Variants in PLAGL1 observed in about 807,000 individuals in gnomAD.
The protein encoded by PLAGL1 is zinc finger protein PLAGL1.
A neutral mutation model predicts 4.6 loss-of-function variants in PLAGL1; 1 was observed. The observed-to-expected ratio is 0.22, with a 90% confidence interval of 0.08 to 1.03. The LOEUF is 1.03. Ranked by LOEUF, PLAGL1 falls within the 50% of genes least tolerant of loss-of-function variation. PLAGL1 has a pLI of 0.58. For synonymous variants in PLAGL1, 240 were observed against 237.8 expected, an observed-to-expected ratio of 1.01 and a Z score of -0.08; for missense variants, 464 against 570.4, an observed-to-expected ratio of 0.81 and a Z score of 1.90.
rs552730903 is a variant in PLAGL1, at chr6:144,059,088, G to A, written c.-151+5380C>T. Reference sequence around the variant, plus strand: ...GTCTCCACCCCTACAGCAGGCTTCTGCCTGTACACTCAGGCTTTCTGATAT... The same window carrying A: ...GTCTCCACCCCTACAGCAGGCTTCTACCTGTACACTCAGGCTTTCTGATAT... On this transcript the variant is annotated intron_variant, in intron 1 of 3. Coordinates refer to the PLAGL1 transcript ENST00000437412. This position sits in a 1 kb window ranked among gnomAD's most constrained non-coding sequence, Gnocchi z 4.9. Among the ~76,000 whole-genome samples the A allele has an allele frequency of 6.6e-6, 1 of 152,158 alleles. No homozygotes were observed. Among genetic ancestry groups the A allele is most frequent in the Non-Finnish European group, 1.5e-5 (1 of 68,006 alleles).
upstream of PLAGL1, among the ~76,000 whole-genome samples, chr6:144,010,470 A>G (rs1236225348): frequency 6.6e-6 from 1 of 152,242 alleles, no homozygotes. The surrounding 1 kb of genome is among the most constrained non-coding windows in gnomAD (Gnocchi z 4.1). Flanking sequence ...AAACAAATGG[A>G]AAAACATTCC....
At chr6:144,012,516 C>T (rs1795259603), upstream of PLAGL1, among the ~76,000 whole-genome samples, 2 of 152,164 alleles carry the variant, frequency 1.3e-5, no homozygotes, top group African/African-American at 2.4e-5. The surrounding 1 kb of genome is among the most constrained non-coding windows in gnomAD (Gnocchi z 4.8). Flanking sequence ...GGATTACAGA[C>T]GTGAGCCACC....
At chr6:143,998,152 CA>C (rs770238376) in intron 1 of PLAGL1, among the ~76,000 whole-genome samples, 2 of 152,058 alleles carry the variant, frequency 1.3e-5, no homozygotes, top group Non-Finnish European at 2.9e-5. Context: ...TTAGTATCAA[CA>C]AAAACTTGGA....
rs1169469443 is a variant in PLAGL1 at position 143,962,377 on chromosome 6, C to T, written c.-398-1835G>A. On this transcript the variant is annotated intron_variant, in intron 5 of 7. Coordinates refer to ENST00000674357, the MANE Select transcript of PLAGL1 (RefSeq NM_001317162.2). The surrounding 1 kb of genome is among the most constrained non-coding windows in gnomAD (Gnocchi z 5.3). The stretch of plus-strand genomic sequence containing the variant: ...TTTAAGTATGTGGTTAAAAATGACC[C>T]TATAAAATTAAACAATCCTAAAGAT... Among the ~76,000 whole-genome samples, 1 of 152,150 alleles carries T rather than the reference C, an allele frequency of 6.6e-6. No individual in the cohort carries two copies. The highest frequency in any genetic ancestry group is 1.5e-5 in the Non-Finnish European group (1 of 68,028).
intron 1 of PLAGL1, among the ~76,000 whole-genome samples, chr6:144,042,308 T>C (rs1797805104): frequency 6.6e-6 from 1 of 152,196 alleles, no homozygotes; most frequent in African/African-American, 2.4e-5. Context: ...TGGTTTTAGG[T>C]CTAACATTTA....
Position 143,945,339 on chromosome 6 carries a change from A to C in PLAGL1, c.152+2646T>G, listed in dbSNP as rs1779522473. ...AATTATTTAGAGGTTGATTGCTCAC[A>C]TTAGGACCTCCAACCTTGCCAAATC... On this transcript the variant is annotated intron_variant, in intron 7 of 7. Coordinates refer to ENST00000674357, the MANE Select transcript of PLAGL1 (RefSeq NM_001317162.2). This position sits in a 1 kb window ranked among gnomAD's most constrained non-coding sequence, Gnocchi z 4.2. Among the ~76,000 whole-genome samples, 1 of 152,190 alleles carries C rather than the reference A, an allele frequency of 6.6e-6. No homozygotes were observed. The highest frequency in any genetic ancestry group is 2.4e-5 in the African/African-American group (1 of 41,446).
Position 143,947,872 on chromosome 6 carries a change from C to T in PLAGL1, c.152+113G>A, listed in dbSNP as rs1780116784. 7 of 813,398 alleles carry T rather than the reference C, an allele frequency of 8.6e-6. No homozygotes were observed. Among genetic ancestry groups the T allele is most frequent in the Non-Finnish European group, 1.4e-5 (7 of 509,950 alleles). 50.4% of individuals were successfully genotyped at this position (813,398 alleles called of 1,614,324 possible). On this transcript the variant is annotated intron_variant, in intron 7 of 7. Transcript: ENST00000674357. The surrounding 1 kb of genome is among the most constrained non-coding windows in gnomAD (Gnocchi z 4.3). ...GCAGATTTCAAGAATCCCTCAAAGG[C>T]TAAAATGCATCCATATCCTGTGTCC...
In PLAGL1 at chr6:144,059,725, G is replaced by A. The variant is rs1799243795; in HGVS notation, c.-151+4743C>T. On this transcript the variant is annotated intron_variant, in intron 1 of 3. Transcript: ENST00000437412. This position sits in a 1 kb window ranked among gnomAD's most constrained non-coding sequence, Gnocchi z 4.9. ...TGAATTTAAGGGAGTCTTGTCACTG[G>A]CTGCATTAAGCTTTGTCTTGCCATT... is the stretch of plus-strand genomic sequence containing the variant. 1.3e-5 allele frequency among the ~76,000 whole-genome samples: 2 copies of A among 152,128 alleles called. No individual in the cohort carries two copies.
chr6:144,044,361 G>A (rs1797968122), intron 1 of PLAGL1, among the ~76,000 whole-genome samples: 1 of 152,180 alleles, frequency 6.6e-6, no homozygotes, highest in Non-Finnish European at 1.5e-5. Flanking sequence ...GTGTCCCGGA[G>A]ATTCTGGTAC....
intron 1 of PLAGL1, among the ~76,000 whole-genome samples, chr6:144,042,779 C>T (rs1797838193): frequency 6.6e-6 from 1 of 152,192 alleles, no homozygotes; most frequent in Non-Finnish European, 1.5e-5. Flanking sequence ...TGGCCATTTT[C>T]ATGATATTGA....
At chr6:143,987,939 G>A (rs955837212) in intron 1 of PLAGL1, among the ~76,000 whole-genome samples, 2 of 152,100 alleles carry the variant, frequency 1.3e-5, no homozygotes, top group African/African-American at 4.8e-5. Flanking sequence ...CATATACAAA[G>A]CCTCCTTGAA....
In PLAGL1 at chr6:144,016,437, G is replaced by A. The variant is rs1297310216; in HGVS notation, c.-150-47459C>T. Reference sequence around the variant, plus strand: ...CTGACTCAAATATTAATCTCTTTTGGTAACACTCTCACAGACACACCTAGG... The same window carrying A: ...CTGACTCAAATATTAATCTCTTTTGATAACACTCTCACAGACACACCTAGG... On this transcript the variant is annotated intron_variant, in intron 1 of 3. Transcript: ENST00000437412. This position sits in a 1 kb window ranked among gnomAD's most constrained non-coding sequence, Gnocchi z 4.2. Among the ~76,000 whole-genome samples, 1 of 152,104 alleles carries A rather than the reference G, an allele frequency of 6.6e-6. No homozygotes were observed. Among genetic ancestry groups the A allele is most frequent in the East Asian group, 1.9e-4 (1 of 5,196 alleles).
Position 143,942,117 on chromosome 6 carries a change from T to C in PLAGL1, c.699A>G (p.Gln233=), listed in dbSNP as rs1778751825. The C allele has an allele frequency of 1.2e-6, 2 of 1,614,096 alleles. No individual in the cohort carries two copies. Among genetic ancestry groups the C allele is most frequent in the Non-Finnish European group, 8.5e-7 (1 of 1,180,004 alleles). The change falls in exon 8 of 8, where the codon CAA becomes CAG. Residue 233 remains glutamine (Q), a synonymous_variant. Transcript: ENST00000674357. This position sits in a 1 kb window ranked among gnomAD's most constrained non-coding sequence, Gnocchi z 7.6. Reference sequence around the variant, plus strand: ...AAGGAGGCAAGGCAGCAGCCTTCAGTTGGAATGAAGGCGAGATGGTGTGGA... The same window carrying C: ...AAGGAGGCAAGGCAGCAGCCTTCAGCTGGAATGAAGGCGAGATGGTGTGGA... ...STFHTISPSF[Q]LKAAALPPFP...
intron 1 of PLAGL1, among the ~76,000 whole-genome samples, chr6:144,001,532 T>C (rs1792883626): frequency 6.6e-6 from 1 of 152,148 alleles, no homozygotes; most frequent in Admixed American, 6.5e-5. Flanking sequence ...AATAGAATAT[T>C]TGTACTACCT....
intron 1 of PLAGL1, among the ~76,000 whole-genome samples, chr6:144,041,362 A>G (rs1480648388): frequency 1.3e-5 from 2 of 150,654 alleles, no homozygotes; most frequent in South Asian, 2.1e-4. Context: ...GCCCCAGTGT[A>G]TGATGTTCCC....
rs578073397 is a variant in PLAGL1, at chr6:143,972,600, A to G, written c.-543-3622T>C. Among the ~76,000 whole-genome samples, 1 of 152,290 alleles carries G rather than the reference A, an allele frequency of 6.6e-6. No homozygotes were observed. Among genetic ancestry groups the G allele is most frequent in the Admixed American group, 6.5e-5 (1 of 15,302 alleles). On this transcript the variant is annotated intron_variant, in intron 2 of 7. Transcript: ENST00000674357. The surrounding 1 kb of genome is among the most constrained non-coding windows in gnomAD (Gnocchi z 6.8). The stretch of plus-strand genomic sequence containing the variant: ...AATATAAATATTTTAAAATAAATAT[A>G]TTATTGTAATATTCCCATGCAATAC...
rs1783444859 is a variant in PLAGL1, at chr6:143,961,851, A to G, written c.-398-1309T>C. Among the ~76,000 whole-genome samples the G allele has an allele frequency of 6.6e-6, 1 of 152,240 alleles. No homozygotes were observed. The highest frequency in any genetic ancestry group is 2.4e-5 in the African/African-American group (1 of 41,462). The stretch of plus-strand genomic sequence containing the variant: ...GGACAATACCAATTTATGTATTCAA[A>G]GAGGCAGGGGTTCTTCTGCTTCCCA... On this transcript the variant is annotated intron_variant, in intron 5 of 7. Coordinates refer to ENST00000674357, the MANE Select transcript of PLAGL1 (RefSeq NM_001317162.2). This position sits in a 1 kb window ranked among gnomAD's most constrained non-coding sequence, Gnocchi z 6.5.
Position 143,940,696 on chromosome 6 carries a change from G to C in PLAGL1, c.*728C>G, listed in dbSNP as rs1283627355. The C allele has an allele frequency of 6.7e-6, 1 of 150,002 alleles. No individual in the cohort carries two copies. The highest frequency in any genetic ancestry group is 2.1e-4 in the South Asian group (1 of 4,740). The allele number at this position is 150,002 out of a possible 1,614,324, so 9.3% of individuals were successfully genotyped here. A position where few individuals can be genotyped will look rare whatever the true frequency, so the allele number is the denominator to read the frequency against. ...GCAAAATGCCTTTGACTGACGCCTG[G>C]ATTATTTTACCACTTAACCTGGTTA... On this transcript the variant is annotated 3_prime_UTR_variant, in exon 8 of 8. Coordinates refer to ENST00000674357, the MANE Select transcript of PLAGL1 (RefSeq NM_001317162.2).
Position 144,039,735 on chromosome 6 carries a change from A to G in PLAGL1, c.-151+24733T>C, listed in dbSNP as rs1036064718. ...TAATAGTCAGTGAATACAAAGGGGTATATACTAAATGCTACAGAAATTCCA... is the reference window on the plus strand; with the variant it reads ...TAATAGTCAGTGAATACAAAGGGGTGTATACTAAATGCTACAGAAATTCCA... On this transcript the variant is annotated intron_variant, in intron 1 of 3. Transcript: ENST00000437412. The surrounding 1 kb of genome is among the most constrained non-coding windows in gnomAD (Gnocchi z 4.1). 3.3e-5 allele frequency among the ~76,000 whole-genome samples: 5 copies of G among 152,244 alleles called. No homozygotes were observed. The highest frequency in any genetic ancestry group is 4.4e-5 in the Non-Finnish European group (3 of 68,038).
Sources: gnomAD v4.1 joint callset for allele counts (sites outside exome capture counted in the v4.1 genomes callset) on GRCh38, gnomAD v4.1.1 for gene constraint, Gnocchi (gnomAD v3.1) non-coding constraint, MANE v1.5 for transcripts, NCBI Gene and HGNC (gene_info 2026-07-23, HGNC 2026-07-21) for gene names.